FYN: variants seen among roughly 807,000 people sequenced by gnomAD.
The protein encoded by FYN is tyrosine-protein kinase Fyn.
FYN carries 10 observed loss-of-function variants against 70.2 expected under a neutral mutation model. The observed-to-expected ratio is 0.14, with a 90% CI of 0.09 to 0.24. The LOEUF (loss-of-function observed/expected upper bound fraction) is 0.24, where lower values mean the gene tolerates loss of function less well. Ranked by LOEUF, FYN falls within the 10% of genes least tolerant of loss-of-function variation. The pLI, the probability that FYN is intolerant of heterozygous loss-of-function variation, is 1.00. For missense variants in FYN, 319 were observed against 673.1 expected (o/e 0.47, Z 5.82); for synonymous variants, 236 against 248.6 (o/e 0.95, Z 0.48).
At chr6:111,815,327 A>G (rs1772452172) in intron 2 of FYN, among the ~76,000 whole-genome samples, 1 of 152,206 alleles carries the variant, frequency 6.6e-6, no homozygotes, top group Non-Finnish European at 1.5e-5. Flanking sequence ...ATTATTTCTG[A>G]TTGCATAACA....
intron 13 of FYN, among the ~76,000 whole-genome samples, chr6:111,673,619 A>ACTGTTTTT (rs1301768351): frequency 2.5e-4 from 16 of 65,010 alleles, no homozygotes; most frequent in East Asian, 5.6e-4. Context: ...CGTTTCTATC[A>ACTGTTTTT]TTGTTTTTTT....
At chr6:111,704,168 C>A in intron 6 of FYN, 66 bp from the exon 7 acceptor site, 1 of 1,336,376 alleles carries the variant, frequency 7.5e-7, no homozygotes, top group Non-Finnish European at 1.1e-6. Flanking sequence ...ACAGCATAGG[C>A]TTTTTTTTTG....
intron 2 of FYN, among the ~76,000 whole-genome samples, chr6:111,824,388 A>G (rs945744545): frequency 2.0e-5 from 3 of 152,220 alleles, no homozygotes; most frequent in African/African-American, 7.2e-5. Context: ...GCATGTGGAA[A>G]AAGAACTCAT....
chr6:111,820,468 A>C (rs559084068), intron 2 of FYN, among the ~76,000 whole-genome samples: 36 of 152,170 alleles, frequency 2.4e-4, no homozygotes, highest in African/African-American at 8.2e-4. Context: ...TTAATATATT[A>C]CTATTAGGAA....
intron 1 of FYN, among the ~76,000 whole-genome samples, chr6:111,862,746 C>T (rs191644353): frequency 4.5e-4 from 69 of 152,254 alleles, no homozygotes; most frequent in East Asian, 1.9e-4. Flanking sequence ...ATTTAACTAA[C>T]AATGTCAGGC....
chr6:111,747,484 G>A (rs1024012053), intron 3 of FYN, among the ~76,000 whole-genome samples: 6 of 152,148 alleles, frequency 3.9e-5, no homozygotes, highest in Admixed American at 2.6e-4. Flanking sequence ...CTTCTCCTGC[G>A]CAGCTGTCAC....
chr6:111,870,259 T>C (rs186188892), intron 1 of FYN, among the ~76,000 whole-genome samples: 17 of 152,278 alleles, frequency 1.1e-4, no homozygotes, highest in African/African-American at 4.1e-4. Context: ...GCCCCTTCTG[T>C]AAACTGAAAC....
At chr6:111,774,140 G>A (rs1195928987) in intron 3 of FYN, among the ~76,000 whole-genome samples, 1 of 152,204 alleles carries the variant, frequency 6.6e-6, no homozygotes, top group Non-Finnish European at 1.5e-5. Flanking sequence ...AATATAACAT[G>A]CTGGCTAGCC....
rs1800840126 is a variant in FYN at position 111,719,685 on chromosome 6, T to C, written c.247+120A>G. The stretch of plus-strand genomic sequence containing the variant: ...CCCCTCATCTAGTAGAGGAGACAGA[T>C]TAGAAACTTACATGTGAAACCCCTA... On this transcript the variant is annotated intron_variant, in intron 4 of 13. Transcript: ENST00000354650. The C allele has an allele frequency of 3.5e-6, 4 of 1,140,996 alleles. No homozygotes were observed. The African/African-American group carries it at 4.6e-5, about 13-fold the overall frequency. The allele number at this position is 1,140,996 out of a possible 1,614,324, so 70.7% of individuals were successfully genotyped here.
In FYN at chr6:111,738,668, G is replaced by T. The variant is rs180786266; in HGVS notation, c.-11-18606C>A. ...TCACCTCACCTAGTGATGGGCTTGG[G>T]TCGGCATTGGCATCATCCTCATTTT... On this transcript the variant is annotated intron_variant, in intron 3 of 13. Coordinates refer to ENST00000354650, the MANE Select transcript of FYN (RefSeq NM_002037.5). 5.4e-4 allele frequency among the ~76,000 whole-genome samples: 82 copies of T among 152,286 alleles called. No individual in the cohort carries two copies. The East Asian group carries it at 0.015, about 28-fold the overall frequency.
chr6:111,789,760 T>C (rs144099630), intron 2 of FYN, among the ~76,000 whole-genome samples: 2 of 152,326 alleles, frequency 1.3e-5, no homozygotes, highest in African/African-American at 4.8e-5. Flanking sequence ...CCCTTTTAAA[T>C]TAAGCTGTTC....
At chr6:111,761,303 C>T (rs554253597) in intron 3 of FYN, among the ~76,000 whole-genome samples, 10 of 152,282 alleles carry the variant, frequency 6.6e-5, no homozygotes, top group African/African-American at 2.2e-4. Context: ...GTAATGATGC[C>T]GATGAGATTC....
chr6:111,844,454 C>T (rs1043589989), intron 2 of FYN, among the ~76,000 whole-genome samples: 3 of 152,146 alleles, frequency 2.0e-5, no homozygotes, highest in African/African-American at 7.2e-5. Flanking sequence ...TTGATAGATC[C>T]GTGTTCAACA....
chr6:111,677,564 T>C (rs1459324893), intron 12 of FYN, among the ~76,000 whole-genome samples: 1 of 152,168 alleles, frequency 6.6e-6, no homozygotes, highest in Non-Finnish European at 1.5e-5. Context: ...GAAAACAGCA[T>C]CCCTAAGGTT....
intron 3 of FYN, among the ~76,000 whole-genome samples, chr6:111,724,243 T>TCAC (rs1464212225): frequency 6.6e-6 from 1 of 152,074 alleles, no homozygotes; most frequent in African/African-American, 2.4e-5. Context: ...TATCAACAGA[T>TCAC]CACAGCCCTT....
intron 3 of FYN, among the ~76,000 whole-genome samples, chr6:111,779,121 A>ATT (rs397934539): frequency 0.027 from 2,441 of 91,472 alleles, 130 homozygotes; most frequent in Non-Finnish European, 0.031. Context: ...AGTAGGAGAC[A>ATT]TTTTTTTTTT....
chr6:111,835,883 G>A (rs1224040416), intron 2 of FYN, among the ~76,000 whole-genome samples: 1 of 152,116 alleles, frequency 6.6e-6, no homozygotes, highest in African/African-American at 2.4e-5. Context: ...ATTATTGGAA[G>A]AGAAACCTCA....
chr6:111,712,332 T>A (rs1800420543), intron 5 of FYN, among the ~76,000 whole-genome samples: 1 of 152,106 alleles, frequency 6.6e-6, no homozygotes. Flanking sequence ...GGCGGAGGAT[T>A]TCAGAATTCA....
chr6:111,779,859 T>G (rs1771104470), intron 3 of FYN, among the ~76,000 whole-genome samples: 1 of 152,228 alleles, frequency 6.6e-6, no homozygotes, highest in Non-Finnish European at 1.5e-5. Flanking sequence ...GAACACTTAC[T>G]ATGCTCCAGC....
Sources: allele counts gnomAD v4.1 joint callset (sites outside exome capture counted in the v4.1 genomes callset), GRCh38; gene constraint gnomAD v4.1.1; transcripts MANE v1.5; gene names NCBI Gene and HGNC (gene_info 2026-07-23, HGNC 2026-07-21).